The following CEP131 variants were observed in gnomAD, a reference collection of about 807,000 sequenced individuals.
CEP131 encodes the protein centrosomal protein of 131 kDa.
A neutral mutation model predicts 136.8 loss-of-function variants in CEP131; 99 were observed. The ratio of observed to expected loss-of-function variants is 0.72; its 90% CI spans 0.62 to 0.86. CEP131 has a LOEUF of 0.86. CEP131 is among the 40% of genes least tolerant of loss of function. The pLI, the probability that CEP131 is intolerant of heterozygous loss-of-function variation, is 0.00. For missense variants in CEP131, 1,459 were observed against 1,463.0 expected, an observed-to-expected ratio of 1.00 and a Z score of 0.04; for synonymous variants, 646 against 612.7, an observed-to-expected ratio of 1.05 and a Z score of -0.80.
At position 81,208,114 on chromosome 17, in the gene CEP131, A is replaced by ACACAC. The variant is rs1427334502; in HGVS notation, c.272+809_272+813dup. On this transcript the variant is annotated intron_variant, in intron 3 of 25. Coordinates refer to ENST00000450824, the MANE Select transcript of CEP131 (RefSeq NM_014984.4). This position sits in a 1 kb window ranked among gnomAD's most constrained non-coding sequence, Gnocchi z 5.6. ...ACACACACACTTATGCCACACACCC[A>ACACAC]CACACCACACACATACCACACACAC... is the stretch of plus-strand genomic sequence containing the variant. 2.0e-5 allele frequency among the ~76,000 whole-genome samples: 3 copies of ACACAC among 149,544 alleles called. No homozygotes were observed. In the East Asian group the frequency reaches 5.9e-4, roughly 30 times the overall value.
chr17:81,196,553 C>CA lies in CEP131; in HGVS notation c.1899+147dup, dbSNP rs558790286. On this transcript the variant is annotated intron_variant, in intron 15 of 25. Coordinates refer to ENST00000450824, the MANE Select transcript of CEP131 (RefSeq NM_014984.4). Reference sequence around the variant, plus strand: ...CCAGGGCATGCATGGCTGGGAATGGCATGGGAAAGGCTTGGAATGCGTCCA... The same window carrying CA: ...CCAGGGCATGCATGGCTGGGAATGGCAATGGGAAAGGCTTGGAATGCGTCCA... 2.9e-4 allele frequency: 369 copies of CA among 1,271,902 alleles called. 1 individual carries two copies. In the East Asian group the frequency reaches 9.1e-3, roughly 31 times the overall value. 78.8% of individuals were successfully genotyped at this position (1,271,902 alleles called of 1,614,324 possible). A position where few individuals can be genotyped will look rare whatever the true frequency, so the allele number is the denominator to read the frequency against.
intron 2 of CEP131, among the ~76,000 whole-genome samples, chr17:81,211,994 A>G (rs1567877473): frequency 6.6e-6 from 1 of 151,858 alleles, no homozygotes; most frequent in Non-Finnish European, 1.5e-5. Flanking sequence ...ATTCATAGAA[A>G]AGGAAATATA....
At chr17:81,205,349 C>T (rs116558186) in intron 5 of CEP131, among the ~76,000 whole-genome samples, 2,899 of 137,274 alleles carry the variant, frequency 0.021, 99 homozygotes, top group African/African-American at 0.076. Context: ...GTAGGAGGGG[C>T]GGCAAGAGTG....
chr17:81,202,194 T>C, intron 7 of CEP131, 46 bp downstream of exon 7: 1 of 924,434 alleles, frequency 1.1e-6, no homozygotes, highest in East Asian at 7.0e-5. Flanking sequence ...TGCCCACCTC[T>C]GTGTTCTAGG....
chr17:81,222,125 C>T (rs558282110), intron 1 of CEP131, among the ~76,000 whole-genome samples: 18 of 152,222 alleles, frequency 1.2e-4, no homozygotes, highest in Non-Finnish European at 2.2e-4. Context: ...GCTCTCCCAG[C>T]CACACTTGCA....
rs552698519 is a variant in CEP131 at position 81,205,053 on chromosome 17, G to A, written c.516-1446C>T. ...AGGCGGGTGGATCACAAGGTTAGGG[G>A]TTCGAGACCAGTCTGGCCAACATAG... On this transcript the variant is annotated intron_variant, in intron 5 of 25. Coordinates refer to ENST00000450824, the MANE Select transcript of CEP131 (RefSeq NM_014984.4). Among the ~76,000 whole-genome samples the A allele has an allele frequency of 2.6e-5, 4 of 152,186 alleles. No individual in the cohort carries two copies. In the South Asian group the frequency reaches 6.2e-4, roughly 24 times the overall value.
At chr17:81,194,198 A>C (rs979971250) in intron 17 of CEP131, 71 bp from the exon 18 acceptor site, 14 of 1,380,054 alleles carry the variant, frequency 1.0e-5, no homozygotes, top group East Asian at 2.8e-5. Flanking sequence ...CTGGCACAAG[A>C]CCAGCCTGTC....
intron 15 of CEP131, among the ~76,000 whole-genome samples, 155 bp from the exon 16 acceptor site, chr17:81,196,106 G>C (rs574245527): frequency 6.6e-6 from 1 of 152,280 alleles, no homozygotes; most frequent in African/African-American, 2.4e-5. Context: ...GGGGCCAGTG[G>C]GGGGGCACGT....
intron 2 of CEP131, among the ~76,000 whole-genome samples, chr17:81,212,278 C>T (rs1453393351): frequency 6.7e-6 from 1 of 148,994 alleles, no homozygotes; most frequent in Non-Finnish European, 1.5e-5. Context: ...GCCGAGATTG[C>T]GCTACTGCAC....
intron 13 of CEP131, chr17:81,197,358 A>G (rs883885): frequency 0.41 from 216,081 of 524,328 alleles, 47,440 homozygotes; most frequent in African/African-American, 0.51. Flanking sequence ...CCTGGCCGCT[A>G]GTGTTCACCC....
Position 81,196,798 on chromosome 17 carries a change from C to T in CEP131, c.1802G>A (p.Arg601Gln), listed in dbSNP as rs778415745. 12 of 1,590,748 alleles carry T rather than the reference C, an allele frequency of 7.5e-6. No homozygotes were observed. Among genetic ancestry groups the T allele is most frequent in the African/African-American group, 4.0e-5 (3 of 74,644 alleles). Residue 601 changes from arginine to glutamine, a missense_variant, in exon 15 of 26, where the codon CGG (arginine) becomes CAG (glutamine). Around this residue, in one of 3 missense-constraint regions of CEP131, gnomAD observed 1,026 missense variants for 964.2 expected, o/e 1.06. Coordinates refer to ENST00000450824, the MANE Select transcript of CEP131 (RefSeq NM_014984.4). ...CAGCGCCTTCTCTGTCTCCTTGACC[C>T]GCCGGGCCGTGAGGTCTCGCTGCTG... ...LAQQRDLTAR[R>Q]VKETEKALSR...
chr17:81,217,081 G>A lies in CEP131; in HGVS notation c.177+2799C>T, dbSNP rs143757540. Among the ~76,000 whole-genome samples the A allele has an allele frequency of 1.2e-3, 180 of 152,332 alleles. 2 individuals are homozygous for A. The highest frequency in any genetic ancestry group is 4.2e-3 in the African/African-American group (174 of 41,586). ...GGCCATGACACATATGCACAGTGAT[G>A]TCTGTTCCCCAGTGAGCTTGTGCTC... is the stretch of plus-strand genomic sequence containing the variant. On this transcript the variant is annotated intron_variant, in intron 2 of 25. Transcript: ENST00000450824.
intron 1 of CEP131, among the ~76,000 whole-genome samples, chr17:81,221,678 C>G (rs946330649): frequency 6.6e-6 from 1 of 152,222 alleles, no homozygotes; most frequent in Non-Finnish European, 1.5e-5. Flanking sequence ...ACTCTTCACT[C>G]CCCATCCGGC....
At chr17:81,209,171 TG>T in intron 2 of CEP131, 149 bp from the exon 3 acceptor site, 2 of 635,474 alleles carry the variant, frequency 3.1e-6, no homozygotes, top group Non-Finnish European at 5.5e-6. Context: ...AGGCAGTGGG[TG>T]GTCAGAGGGG....
At chr17:81,193,881 C>T in intron 18 of CEP131, 45 bp downstream of exon 18, 1 of 1,522,730 alleles carries the variant, frequency 6.6e-7, no homozygotes, top group South Asian at 1.2e-5. Context: ...TTCCGACTCC[C>T]CGCCCTGAGG....
At chr17:81,207,866 G>T (rs1007125915) in intron 3 of CEP131, among the ~76,000 whole-genome samples, 2 of 1,174 alleles carry the variant, frequency 1.7e-3, no homozygotes, top group African/African-American at 5.5e-3. Context: ...CTGGCTGAGG[G>T]TGGTGACACA....
At chr17:81,214,782 A>AT (rs1203736932) in intron 2 of CEP131, among the ~76,000 whole-genome samples, 1 of 150,654 alleles carries the variant, frequency 6.6e-6, no homozygotes, top group Admixed American at 6.6e-5. Context: ...AAAAAAAAAA[A>AT]TTTTTTTTGA....
chr17:81,210,934 A>G lies in CEP131; in HGVS notation c.178-1912T>C, dbSNP rs191574237. Among the ~76,000 whole-genome samples, 376 of 152,122 alleles carry G rather than the reference A, an allele frequency of 2.5e-3. 1 individual carries two copies. Among genetic ancestry groups the G allele is most frequent in the Admixed American group, 5.0e-3 (76 of 15,286 alleles). On this transcript the variant is annotated intron_variant, in intron 2 of 25. Transcript: ENST00000450824. ...TTTCCTGGTCAGGAAACCATGGTCT[A>G]AAATAGCTGAACAGAAAGTGCAGGC...
At position 81,213,558 on chromosome 17, in the gene CEP131, CA is replaced by C. The variant is rs35729341; in HGVS notation, c.178-4537del. On this transcript the variant is annotated intron_variant, in intron 2 of 25. Transcript: ENST00000450824. ...TGGGCGACAGCGTGAGACACTGTCTCAAAAAAAAAAAAAAATTATAAATGAG... is the reference window on the plus strand; with the variant it reads ...TGGGCGACAGCGTGAGACACTGTCTCAAAAAAAAAAAAAATTATAAATGAG... Among the ~76,000 whole-genome samples, 1,011 of 137,750 alleles carry C rather than the reference CA, an allele frequency of 7.3e-3. 4 individuals carry two copies. The highest frequency in any genetic ancestry group is 0.02 in the African/African-American group (744 of 37,934). 90.4% of individuals were successfully genotyped at this position (137,750 alleles called of 152,430 possible). A position where few individuals can be genotyped will look rare whatever the true frequency, so the allele number is the denominator to read the frequency against.
Sources: gnomAD v4.1 joint callset for allele counts (sites outside exome capture counted in the v4.1 genomes callset) on GRCh38, gnomAD v4.1.1 for gene constraint, gnomAD v4.1.1 regional missense constraint, Gnocchi (gnomAD v3.1) non-coding constraint, MANE v1.5 for transcripts, NCBI Gene and HGNC (gene_info 2026-07-23, HGNC 2026-07-21) for gene names.